The following NOX1 variants were observed in gnomAD, a reference collection of about 807,000 sequenced individuals.
NOX1 encodes the protein NADPH oxidase 1, also known as NADH/NADPH mitogenic oxidase subunit P65-MOX.
A neutral mutation model predicts 42.5 loss-of-function variants in NOX1; 34 were observed. The ratio of observed to expected loss-of-function variants is 0.80; its 90% CI spans 0.61 to 1.07. The LOEUF (loss-of-function observed/expected upper bound fraction) is 1.07, where lower values mean the gene tolerates loss of function less well. NOX1 is among the 50% of genes least tolerant of loss of function. The pLI, the probability that NOX1 is intolerant of heterozygous loss-of-function variation, is 0.00. For synonymous variants in NOX1, 143 were observed against 152.5 expected (o/e 0.94, Z 0.46); for missense variants, 408 against 427.0 (o/e 0.96, Z 0.39).
At chrX:100,850,105 C>A in intron 9 of NOX1, 46 bp downstream of exon 9, 1 of 1,067,522 alleles carries the variant, frequency 9.4e-7, no homozygotes, top group Non-Finnish European at 1.3e-6. Context: ...CTCTTTTCTG[C>A]CAGTCTGCAT....
At chrX:100,870,952 A>G (rs1351260742) in intron 1 of NOX1, 138 bp from the exon 2 acceptor site, 1 of 433,581 alleles carries the variant, frequency 2.3e-6, no homozygotes, top group African/African-American at 2.5e-5. Context: ...AATGAGTGCA[A>G]TCCTGCTAGT....
At chrX:100,873,983 G>A (rs2085291791) in intron 1 of NOX1, 112 bp downstream of exon 1, 1 of 543,752 alleles carries the variant, frequency 1.8e-6, no homozygotes, top group Admixed American at 3.2e-5. Context: ...GTCTTGATGA[G>A]CCCAATAATC....
In NOX1 at chrX:100,862,157, C is replaced by G. The variant is rs746477133; in HGVS notation, c.804+14G>C. ...CTCCTAACAAGAGTCTGTCCTTGCC[C>G]GTAGGGCTCTTACCTCAGGGGGATG... On this transcript the variant is annotated intron_variant, in intron 7 of 12. Transcript: ENST00000372966. 17 of 1,208,884 alleles carry G rather than the reference C, an allele frequency of 1.4e-5. No homozygotes were observed. Among genetic ancestry groups the G allele is most frequent in the Non-Finnish European group, 1.9e-5 (17 of 894,167 alleles).
intron 2 of NOX1, among the ~76,000 whole-genome samples, chrX:100,868,820 CTTGAA>C (rs900205481): frequency 9.0e-6 from 1 of 111,331 alleles, no homozygotes; most frequent in African/African-American, 3.3e-5. Flanking sequence ...ATTAATCCAT[CTTGAA>C]TTGATTTTTG....
rs373761050 is a variant in NOX1 at position 100,862,745 on chromosome X, G to A, written c.413C>T (p.Ala138Val). Residue 138 changes from alanine to valine, a missense_variant, in exon 5 of 13, where the codon GCC (alanine) becomes GTC (valine). Transcript: ENST00000372966. ...RSRQATDGSL[A>V]SILSSLSHDE... The stretch of plus-strand genomic sequence containing the variant: ...ATGAGATAGGCTGGAGAGAATGGAG[G>A]CAAGGGAGCCATCTGTGGCCTGTCG... 2 of 1,199,971 alleles carry A rather than the reference G, an allele frequency of 1.7e-6. No individual in the cohort carries two copies. Among genetic ancestry groups the A allele is most frequent in the African/African-American group, 3.5e-5 (2 of 57,224 alleles).
At position 100,862,400 on chromosome X, in the gene NOX1, G is replaced by A. The variant is rs149697906; in HGVS notation, c.663C>T (p.His221=). Residue 221 remains histidine (H), a synonymous_variant, in exon 6 of 13, where the codon CAC becomes CAT. Coordinates refer to ENST00000372966, the MANE Select transcript of NOX1 (RefSeq NM_007052.5). The part of the protein sequence containing the change: ...FIFYILGLGI[H]GIGGIVRGQT... The stretch of plus-strand genomic sequence containing the variant: ...GGGTTCGAGGATCTTACCCAATGCC[G>A]TGAATCCCTAAGCCAAGGATATAGA... The A allele has an allele frequency of 1.2e-5, 15 of 1,208,895 alleles. No individual in the cohort carries two copies. The East Asian group carries it at 1.8e-4, about 14-fold the overall frequency.
At chrX:100,854,840 G>T (rs1479916827) in intron 7 of NOX1, among the ~76,000 whole-genome samples, 2 of 111,171 alleles carry the variant, frequency 1.8e-5, no homozygotes, top group African/African-American at 6.5e-5. Flanking sequence ...ACCCAAGCAG[G>T]TTGTATATAA....
intron 1 of NOX1, among the ~76,000 whole-genome samples, chrX:100,873,107 A>G (rs1253914158): frequency 9.1e-6 from 1 of 109,932 alleles, no homozygotes; most frequent in Non-Finnish European, 1.9e-5. Flanking sequence ...TGCCTGTGGG[A>G]CCCAAAAGCA....
chrX:100,850,717 T>G (rs2085108594), intron 8 of NOX1, among the ~76,000 whole-genome samples: 1 of 112,444 alleles, frequency 8.9e-6, no homozygotes, highest in African/African-American at 3.2e-5. Context: ...AGCTGTGAAC[T>G]AGCTCTGGCC....
In NOX1 at chrX:100,851,279, C is replaced by T; in HGVS notation, c.851G>A (p.Arg284Lys). The T allele has an allele frequency of 8.3e-7, 1 of 1,199,642 alleles. No individual in the cohort carries two copies. The highest frequency in any genetic ancestry group is 1.1e-6 in the Non-Finnish European group (1 of 887,065). Residue 284 changes from arginine (R) to lysine (K), a missense_variant, in exon 8 of 13, where the codon AGG becomes AAG. By Grantham distance (26) the Arg-to-Lys change is conservative (BLOSUM62 2). Transcript: ENST00000372966. ...LAPVILYICE[R>K]ILRFYRSQQK... Reference sequence around the variant, plus strand: ...CTGGGAGCGGTAAAACCGGAGGATCCTTTCACAGATATAAAGAATGACCGG... The same window carrying T: ...CTGGGAGCGGTAAAACCGGAGGATCTTTTCACAGATATAAAGAATGACCGG...
chrX:100,872,443 G>A (rs1432823268), intron 1 of NOX1, among the ~76,000 whole-genome samples: 1 of 111,872 alleles, frequency 8.9e-6, no homozygotes, highest in African/African-American at 3.3e-5. Context: ...GAACGTCAAA[G>A]AAGGTAAACT....
At chrX:100,853,284 T>TTCTTTCTTTCTCTCTCTTTC (rs1569445553) in intron 7 of NOX1, among the ~76,000 whole-genome samples, 1 of 71,348 alleles carries the variant, frequency 1.4e-5, no homozygotes, top group African/African-American at 6.3e-5. Context: ...CTTTCTTTCT[T>TTCTTTCTTTCTCTCTCTTTC]TCTTTCTTTC....
At chrX:100,848,204 G>C (rs1217588521) in intron 12 of NOX1, among the ~76,000 whole-genome samples, 1 of 111,356 alleles carries the variant, frequency 9.0e-6, no homozygotes, top group African/African-American at 3.3e-5. Flanking sequence ...TCTAAGAATG[G>C]CACAAAAGAT....
intron 2 of NOX1, among the ~76,000 whole-genome samples, chrX:100,865,489 T>A (rs761565029): frequency 8.9e-6 from 1 of 112,531 alleles, no homozygotes; most frequent in African/African-American, 3.2e-5. Flanking sequence ...CCTGCTGTCA[T>A]TAATGCATAA....
At chrX:100,856,441 G>A in intron 7 of NOX1, 1 of 452,755 alleles carries the variant, frequency 2.2e-6, no homozygotes, top group Non-Finnish European at 3.9e-6. Context: ...GGGCGGAAAG[G>A]CAATAGCTCC....
rs757598286 is a variant in NOX1, at chrX:100,863,608, A to G, written c.142-13T>C. ...AGGCCAATGTTGACTACAGCAGAGG[A>G]GAAAAAGAGACCATCAGCTGCTTCA... On this transcript the variant is annotated splice_polypyrimidine_tract_variant and intron_variant, in intron 2 of 12. Transcript: ENST00000372966. The G allele has an allele frequency of 8.3e-7, 1 of 1,200,404 alleles. No homozygotes were observed. The highest frequency in any genetic ancestry group is 3.0e-5 in the East Asian group (1 of 33,402).
At chrX:100,859,142 G>A (rs1391284549) in intron 7 of NOX1, among the ~76,000 whole-genome samples, 1 of 111,828 alleles carries the variant, frequency 8.9e-6, no homozygotes, top group Non-Finnish European at 1.9e-5. Context: ...TTCATATGAA[G>A]GAATGTTGAA....
At chrX:100,850,942 C>T (rs777314460) in intron 8 of NOX1, among the ~76,000 whole-genome samples, 4 of 111,055 alleles carry the variant, frequency 3.6e-5, no homozygotes, top group South Asian at 3.9e-4. Context: ...CGGGTTCAAG[C>T]GATTCTCCCG....
At position 100,863,147 on chromosome X, in the gene NOX1, T is replaced by C; in HGVS notation, c.337+12A>G. 8.6e-7 allele frequency: 1 copy of C among 1,159,305 alleles called. No individual in the cohort carries two copies. Among genetic ancestry groups the C allele is most frequent in the Non-Finnish European group, 1.2e-6 (1 of 847,620 alleles). ...CCCTGGAGTCTGCAGATTCATGGATTGCCTGAGTTACCTGTATGTAGGCAG... is the reference window on the plus strand; with the variant it reads ...CCCTGGAGTCTGCAGATTCATGGATCGCCTGAGTTACCTGTATGTAGGCAG... On this transcript the variant is annotated intron_variant, in intron 4 of 12. Coordinates refer to ENST00000372966, the MANE Select transcript of NOX1 (RefSeq NM_007052.5).
Sources: allele counts gnomAD v4.1 joint callset (sites outside exome capture counted in the v4.1 genomes callset), GRCh38; gene constraint gnomAD v4.1.1; transcripts MANE v1.5; gene names NCBI Gene and HGNC (gene_info 2026-07-23, HGNC 2026-07-21).